GABRG3: variants seen among roughly 807,000 people sequenced by gnomAD.
The protein encoded by GABRG3 is gamma-aminobutyric acid receptor subunit gamma-3.
A neutral mutation model predicts 48.8 loss-of-function variants in GABRG3; 25 were observed. The observed-to-expected ratio is 0.51, with a 90% CI of 0.37 to 0.72. GABRG3 has a LOEUF of 0.72. Ranked by LOEUF, GABRG3 falls within the 30% of genes least tolerant of loss-of-function variation. The pLI, the probability that GABRG3 is intolerant of heterozygous loss-of-function variation, is 0.00. For synonymous variants in GABRG3, 227 were observed against 217.6 expected (o/e 1.04, Z -0.38); for missense variants, 394 against 577.9 (o/e 0.68, Z 3.26).
At chr15:27,497,122 G>A (rs1261786654) in intron 6 of GABRG3, among the ~76,000 whole-genome samples, 4 of 152,120 alleles carry the variant, frequency 2.6e-5, no homozygotes, top group South Asian at 2.1e-4. Flanking sequence ...CCCCCTCATG[G>A]CTAGTTAGTG....
intron 2 of GABRG3, 92 bp from the exon 3 acceptor site, chr15:27,026,662 T>A: frequency 1.3e-6 from 1 of 743,392 alleles, no homozygotes; most frequent in Non-Finnish European, 2.2e-6. Context: ...CATGTCCTTG[T>A]GATGCTATGT....
At chr15:27,525,367 G>A (rs1213266723) in intron 7 of GABRG3, among the ~76,000 whole-genome samples, 1 of 152,186 alleles carries the variant, frequency 6.6e-6, no homozygotes, top group Non-Finnish European at 1.5e-5. Context: ...ACTAGACTCA[G>A]CTGAGATAAC....
At chr15:27,491,723 A>C (rs561214772) in intron 6 of GABRG3, among the ~76,000 whole-genome samples, 16 of 152,314 alleles carry the variant, frequency 1.1e-4, no homozygotes, top group African/African-American at 3.6e-4. Flanking sequence ...TCCTCAAAGA[A>C]GTAATTACCA....
chr15:27,081,801 C>G (rs938118672), intron 3 of GABRG3, among the ~76,000 whole-genome samples: 1 of 152,222 alleles, frequency 6.6e-6, no homozygotes, highest in African/African-American at 2.4e-5. Flanking sequence ...AGGAGACATA[C>G]TGCAGATGCT....
Position 27,520,090 on chromosome 15 carries a change from CA to C in GABRG3, c.837del (p.Asp280MetfsTer9), listed in dbSNP as rs759961930. ...VVLSWVSFWIKKDATPARTAL... is the reference protein window; with the variant it reads ...VVLSWVSFWIXKDATPARTAL... ...TTTTATCCTGGGTGTCATTTTGGATCAAAAAAGATGCTACGCCAGCAAGAAC... is the reference window on the plus strand; with the variant it reads ...TTTTATCCTGGGTGTCATTTTGGATCAAAAAGATGCTACGCCAGCAAGAAC... On this transcript the variant is annotated frameshift_variant, in exon 7 of 10. Coordinates refer to ENST00000615808, the MANE Select transcript of GABRG3 (RefSeq NM_033223.5). LOFTEE classifies it high-confidence loss of function. 6.9e-6 allele frequency: 11 copies of C among 1,604,506 alleles called. No individual in the cohort carries two copies. Among genetic ancestry groups the C allele is most frequent in the Admixed American group, 3.4e-5 (2 of 58,604 alleles).
At chr15:27,491,243 C>T (rs148739690) in intron 6 of GABRG3, among the ~76,000 whole-genome samples, 1 of 152,316 alleles carries the variant, frequency 6.6e-6, no homozygotes, top group Non-Finnish European at 1.5e-5. Flanking sequence ...TCAGTGGCCT[C>T]GGGGCTCCCC....
intron 2 of GABRG3, among the ~76,000 whole-genome samples, chr15:26,998,691 A>C (rs1467604525): frequency 6.6e-6 from 1 of 152,166 alleles, no homozygotes; most frequent in Non-Finnish European, 1.5e-5. Context: ...CCCCTTCTAG[A>C]GTGAAATCAT....
In GABRG3 at chr15:27,527,502, A is replaced by G. The variant is rs1891306645; in HGVS notation, c.935A>G (p.Tyr312Cys). Residue 312 changes from tyrosine to cysteine, a missense_variant, in exon 8 of 10, where the codon TAC becomes TGC. Physicochemically the swap from Tyr to Cys is radical, Grantham distance 194. Coordinates refer to ENST00000615808, the MANE Select transcript of GABRG3 (RefSeq NM_033223.5). ...AGGAAGTCCTTGCCACGCGTGTCCT[A>G]CGTGACCGCCATGGACCTTTTTGTG... ...IARKSLPRVS[Y>C]VTAMDLFVTV... 1 of 1,613,986 alleles carries G rather than the reference A, an allele frequency of 6.2e-7. No homozygotes were observed. Among genetic ancestry groups the G allele is most frequent in the Non-Finnish European group, 8.5e-7 (1 of 1,179,902 alleles).
intron 6 of GABRG3, among the ~76,000 whole-genome samples, chr15:27,501,008 G>A (rs565323413): frequency 6.9e-5 from 10 of 144,168 alleles, no homozygotes; most frequent in South Asian, 2.2e-4. Context: ...CTGGAGTGCA[G>A]TGGCGCGATC....
intron 3 of GABRG3, among the ~76,000 whole-genome samples, chr15:27,250,985 G>A (rs979209446): frequency 3.3e-4 from 51 of 152,240 alleles, no homozygotes; most frequent in African/African-American, 1.2e-3. Context: ...CAAACTGCTC[G>A]CCATCACAGT....
At chr15:27,033,544 A>G (rs558074421) in intron 3 of GABRG3, among the ~76,000 whole-genome samples, 3 of 152,266 alleles carry the variant, frequency 2.0e-5, no homozygotes, top group African/African-American at 7.2e-5. Context: ...TTAGCGAATA[A>G]GAGGATTTTC....
intron 5 of GABRG3, chr15:27,341,014 T>C (rs753067504): frequency 9.8e-6 from 5 of 510,020 alleles, no homozygotes; most frequent in African/African-American, 1.9e-5. Flanking sequence ...GCTGGAACAC[T>C]GTGCTGAGAA....
intron 5 of GABRG3, among the ~76,000 whole-genome samples, chr15:27,375,219 C>G (rs1895555279): frequency 6.6e-6 from 1 of 151,972 alleles, no homozygotes; most frequent in South Asian, 2.1e-4. Flanking sequence ...CATGTAAATG[C>G]TGGGAAGGGA....
At chr15:27,152,183 A>T (rs1220853580) in intron 3 of GABRG3, among the ~76,000 whole-genome samples, 2 of 152,152 alleles carry the variant, frequency 1.3e-5, no homozygotes, top group Non-Finnish European at 2.9e-5. Flanking sequence ...AGGTTAGTTA[A>T]TCTTTTTAAA....
intron 5 of GABRG3, among the ~76,000 whole-genome samples, chr15:27,388,108 GAAAA>G (rs1896023278): frequency 1.6e-5 from 1 of 64,082 alleles, no homozygotes; most frequent in Non-Finnish European, 3.0e-5. Context: ...GGGAGGGAGG[GAAAA>G]GAAGGAAGGA....
intron 5 of GABRG3, among the ~76,000 whole-genome samples, chr15:27,413,469 A>G (rs1887858416): frequency 6.6e-6 from 1 of 152,216 alleles, no homozygotes; most frequent in Non-Finnish European, 1.5e-5. Context: ...AGAAAAAGCA[A>G]CGTGTGTGAT....
intron 3 of GABRG3, among the ~76,000 whole-genome samples, chr15:27,055,098 A>G (rs1262524923): frequency 1.3e-5 from 2 of 151,824 alleles, no homozygotes; most frequent in Non-Finnish European, 2.9e-5. Flanking sequence ...AGCAGCAACA[A>G]CAACTAGCCC....
intron 5 of GABRG3, among the ~76,000 whole-genome samples, chr15:27,344,509 TTCTC>T (rs1000063901): frequency 6.6e-5 from 10 of 152,304 alleles, no homozygotes; most frequent in South Asian, 2.1e-4. Context: ...ATCTGAAATG[TTCTC>T]TCTATTTAGC....
chr15:27,306,395 CATAT>C (rs200585572), intron 3 of GABRG3, among the ~76,000 whole-genome samples: 6 of 137,456 alleles, frequency 4.4e-5, no homozygotes, highest in African/African-American at 1.3e-4. Context: ...TACATGTAAA[CATAT>C]ATATAATATA....
Sources: gnomAD v4.1 joint callset for allele counts (sites outside exome capture counted in the v4.1 genomes callset) on GRCh38, gnomAD v4.1.1 for gene constraint, MANE v1.5 for transcripts, NCBI Gene and HGNC (gene_info 2026-07-23, HGNC 2026-07-21) for gene names.